INTS13: variants seen among roughly 807,000 people sequenced by gnomAD.
The protein encoded by INTS13 is asunder, spermatogenesis regulator homolog (Drosphila).
Under a neutral mutation model 90.2 loss-of-function variants are expected in INTS13, and 35 were observed. The ratio of observed to expected loss-of-function variants is 0.39; its 90% confidence interval spans 0.30 to 0.51. INTS13 has a LOEUF of 0.51. INTS13 is among the 20% of genes least tolerant of loss of function. The pLI is 0.80. For synonymous variants in INTS13, 309 were observed against 277.1 expected (o/e 1.11, Z -1.14); for missense variants, 601 against 851.2 (o/e 0.71, Z 3.66).
At chr12:26,932,678 T>C (rs577903174) in intron 3 of INTS13, among the ~76,000 whole-genome samples, 22 of 152,348 alleles carry the variant, frequency 1.4e-4, no homozygotes, top group African/African-American at 5.1e-4. Context: ...ATCTGAAATA[T>C]GGCTACTGCT....
intron 3 of INTS13, 35 bp downstream of exon 3, chr12:26,934,521 T>C: frequency 2.1e-6 from 3 of 1,443,600 alleles, no homozygotes; most frequent in Non-Finnish European, 2.9e-6. Flanking sequence ...ATTTAGATAA[T>C]TTACAAATGG....
intron 15 of INTS13, among the ~76,000 whole-genome samples, chr12:26,907,468 T>C: frequency 6.6e-6 from 1 of 152,220 alleles, no homozygotes; most frequent in East Asian, 1.9e-4. Context: ...AAATTGATCA[T>C]GACCTAAATG....
chr12:26,932,876 C>T (rs560991459), intron 3 of INTS13, among the ~76,000 whole-genome samples: 123 of 152,300 alleles, frequency 8.1e-4, no homozygotes, highest in Admixed American at 2.1e-3. Context: ...ATACCTACTC[C>T]ATAACATGTA....
In INTS13 at chr12:26,909,472, C is replaced by CTT. The variant is rs756908915; in HGVS notation, c.1945+1704_1945+1705dup. ...AATTTTTGCCAGTATAGATAATACTCTTTTTTTTTTTTTTTTTTTTTAGAG... is the reference window on the plus strand; with the variant it reads ...AATTTTTGCCAGTATAGATAATACTCTTTTTTTTTTTTTTTTTTTTTTTAGAG... On this transcript the variant is annotated intron_variant, in intron 15 of 16. Coordinates refer to ENST00000261191, the MANE Select transcript of INTS13 (RefSeq NM_018164.3). Among the ~76,000 whole-genome samples, 431 of 127,030 alleles carry CTT rather than the reference C, an allele frequency of 3.4e-3. 4 individuals carry two copies. The highest frequency in any genetic ancestry group is 9.9e-3 in the African/African-American group (326 of 32,916). The allele number at this position is 127,030 out of a possible 152,430, so 83.3% of individuals were successfully genotyped here.
At chr12:26,926,839 C>T (rs2137527197) in intron 5 of INTS13, among the ~76,000 whole-genome samples, 1 of 152,308 alleles carries the variant, frequency 6.6e-6, no homozygotes, top group African/African-American at 2.4e-5. Context: ...GACAGCTCCC[C>T]AATGGGGTCT....
chr12:26,933,145 G>A (rs1938289027), intron 3 of INTS13, among the ~76,000 whole-genome samples: 1 of 152,142 alleles, frequency 6.6e-6, no homozygotes, highest in Non-Finnish European at 1.5e-5. Context: ...ATCAAATAGA[G>A]AGTTCTATAC....
intron 15 of INTS13, 108 bp downstream of exon 15, chr12:26,911,070 G>C (rs1350671773): frequency 8.1e-7 from 1 of 1,235,752 alleles, no homozygotes; most frequent in Non-Finnish European, 1.1e-6. Flanking sequence ...CCTGACCTCA[G>C]GTGATCTGCT....
In INTS13 at chr12:26,937,938, C is replaced by G. The variant is rs4397951; in HGVS notation, c.-154G>C. 3 of 152,734 alleles carry G rather than the reference C, an allele frequency of 2.0e-5. No individual in the cohort carries two copies. Among genetic ancestry groups the G allele is most frequent in the Non-Finnish European group, 4.4e-5 (3 of 68,128 alleles). 9.5% of individuals were successfully genotyped at this position (152,734 alleles called of 1,614,324 possible). On this transcript the variant is annotated 5_prime_UTR_variant, in exon 1 of 17. It removes an upstream start codon present in the reference 5' UTR. Transcript: ENST00000261191. Reference sequence around the variant, plus strand: ...GACAGGGGACTATGCTTTCCCCGATCATCTCCTAGCACACCGGTCCTTCCC... The same window carrying G: ...GACAGGGGACTATGCTTTCCCCGATGATCTCCTAGCACACCGGTCCTTCCC...
Position 26,913,685 on chromosome 12 carries a change from T to C in INTS13, c.1577A>G (p.Asp526Gly). ...ATTCCACATGATACGGTATTGTTCA[T>C]CTCTGCAGCAAAGATTTGGAAATAC... ...VGTRGKGPKR[D>G]EQYRIMWNEL... The change falls in exon 14 of 17, where the codon GAT (aspartate) becomes GGT (glycine). Residue 526 changes from aspartate (D) to glycine (G), a missense_variant and splice_region_variant. By Grantham distance (94) the Asp-to-Gly change is moderately conservative. Coordinates refer to ENST00000261191, the MANE Select transcript of INTS13 (RefSeq NM_018164.3). 1 of 1,606,804 alleles carries C rather than the reference T, an allele frequency of 6.2e-7. No homozygotes were observed. Among genetic ancestry groups the C allele is most frequent in the Non-Finnish European group, 8.5e-7 (1 of 1,175,448 alleles).
Position 26,917,437 on chromosome 12 carries a change from T to C in INTS13, c.984A>G (p.Leu328=). The change falls in exon 10 of 17, where the codon TTA becomes TTG. Residue 328 remains leucine, a synonymous_variant. Coordinates refer to ENST00000261191, the MANE Select transcript of INTS13 (RefSeq NM_018164.3). ...TCCGATAAGCTCCAGTACAATAGTG[T>C]AATTCTGAAATAGAAGAAAACACTG... ...WCTPRTNNIE[L]HYCTGAYRIS... is the part of the protein sequence containing the mutation. 5.9e-6 allele frequency: 9 copies of C among 1,519,088 alleles called. No homozygotes were observed. Among genetic ancestry groups the C allele is most frequent in the Non-Finnish European group, 8.1e-6 (9 of 1,107,796 alleles). The allele number at this position is 1,519,088 out of a possible 1,614,324, so 94.1% of individuals were successfully genotyped here. A position where few individuals can be genotyped will look rare whatever the true frequency, so the allele number is the denominator to read the frequency against.
chr12:26,913,388 G>A, intron 14 of INTS13, 69 bp downstream of exon 14: 1 of 1,120,804 alleles, frequency 8.9e-7, no homozygotes, highest in Non-Finnish European at 1.3e-6. Context: ...TTGAATGTAT[G>A]AAAGTGTTCT....
chr12:26,932,669 T>C (rs1009623929), intron 3 of INTS13, among the ~76,000 whole-genome samples: 1 of 152,208 alleles, frequency 6.6e-6, no homozygotes, highest in Admixed American at 6.5e-5. Context: ...TTACTGTGCA[T>C]CTGAAATATG....
At chr12:26,925,955 A>AG in intron 5 of INTS13, 104 bp from the exon 6 acceptor site, 2 of 749,698 alleles carry the variant, frequency 2.7e-6, no homozygotes, top group Non-Finnish European at 4.4e-6. Context: ...TCATATTGCT[A>AG]CAATTAGATA....
At chr12:26,915,081 C>CT (rs1951893392) in intron 11 of INTS13, among the ~76,000 whole-genome samples, 1 of 152,106 alleles carries the variant, frequency 6.6e-6, no homozygotes, top group African/African-American at 2.4e-5. Context: ...CAAAAATTAG[C>CT]TGGGCATGGT....
Position 26,936,680 on chromosome 12 carries a change from T to C in INTS13, c.124A>G (p.Ile42Val). The C allele has an allele frequency of 1.2e-6, 2 of 1,613,920 alleles. No homozygotes were observed. Among genetic ancestry groups the C allele is most frequent in the Non-Finnish European group, 1.7e-6 (2 of 1,179,808 alleles). Residue 42 changes from isoleucine to valine, a missense_variant, in exon 2 of 17, where the codon ATT (isoleucine) becomes GTT (valine). Ile to Val is a conservative substitution (Grantham distance 29). Around this residue, in one of 3 missense-constraint regions of INTS13, gnomAD observed 284 missense variants for 387.7 expected, o/e 0.73. Coordinates refer to ENST00000261191, the MANE Select transcript of INTS13 (RefSeq NM_018164.3). ...GATTTAGATATGGGGGCCAAAGGAA[T>C]GATTCCTTGGGTTCTATTCTTCACC... is the stretch of plus-strand genomic sequence containing the variant. ...MLVKNRTQGI[I>V]PLAPISKSLW...
At chr12:26,932,546 TA>T (rs1310236184) in intron 3 of INTS13, among the ~76,000 whole-genome samples, 3 of 152,082 alleles carry the variant, frequency 2.0e-5, no homozygotes, top group African/African-American at 7.2e-5. Context: ...CAAAAGCACA[TA>T]AGAGAGTAAA....
At chr12:26,910,658 C>T (rs1318585698) in intron 15 of INTS13, among the ~76,000 whole-genome samples, 3 of 152,118 alleles carry the variant, frequency 2.0e-5, no homozygotes, top group African/African-American at 7.2e-5. Flanking sequence ...TCAATTAAAC[C>T]TCTTTCCTTT....
At chr12:26,909,254 G>A (rs190182260) in intron 15 of INTS13, among the ~76,000 whole-genome samples, 3 of 152,036 alleles carry the variant, frequency 2.0e-5, no homozygotes, top group East Asian at 1.9e-4. Context: ...CCAGCTACTC[G>A]GGATGCTGAG....
At chr12:26,921,952 G>A (rs894624430) in intron 8 of INTS13, among the ~76,000 whole-genome samples, 4 of 152,112 alleles carry the variant, frequency 2.6e-5, no homozygotes, top group South Asian at 2.1e-4. Context: ...CACTACCCCC[G>A]GCCTGCAGCC....
Sources: allele counts gnomAD v4.1 joint callset (sites outside exome capture counted in the v4.1 genomes callset), GRCh38; gene constraint gnomAD v4.1.1; regional missense constraint gnomAD v4.1.1; transcripts MANE v1.5; gene names NCBI Gene and HGNC (gene_info 2026-07-23, HGNC 2026-07-21).